MAL2: variants seen among roughly 807,000 people sequenced by gnomAD.
MAL2 encodes mal, T cell differentiation protein 2.
A neutral mutation model predicts 18.1 loss-of-function variants in MAL2; 17 were observed. That is an observed-to-expected ratio of 0.94 (90% CI 0.64 to 1.41). The LOEUF (loss-of-function observed/expected upper bound fraction) is 1.41. Among genes scored for constraint, MAL2 ranks in the 40% most tolerant of loss-of-function variants. MAL2 has a pLI of 0.00. For missense variants in MAL2, 222 were observed against 231.9 expected (o/e 0.96, Z 0.28); for synonymous variants, 102 against 102.3 (o/e 1.00, Z 0.02).
chr8:119,227,102 C>G (rs1413386306), intron 2 of MAL2, among the ~76,000 whole-genome samples: 1 of 152,186 alleles, frequency 6.6e-6, no homozygotes, highest in East Asian at 1.9e-4. Context: ...AAAGACAGAT[C>G]TAGCAGTTGC....
chr8:119,227,149 A>G (rs1817613133), intron 2 of MAL2, among the ~76,000 whole-genome samples: 1 of 152,212 alleles, frequency 6.6e-6, no homozygotes, highest in African/African-American at 2.4e-5. Context: ...ATGTAAGTAA[A>G]TTGTTACAAA....
chr8:119,233,859 A>C (rs200232213), intron 2 of MAL2, among the ~76,000 whole-genome samples: 1,540 of 150,900 alleles, frequency 0.01, 25 homozygotes, highest in African/African-American at 0.036. Flanking sequence ...CAAAGCCGGG[A>C]AGAGACACAA....
rs760251007 is a variant in MAL2 at position 119,243,759 on chromosome 8, T to G, written c.*271T>G. Reference sequence around the variant, plus strand: ...TTTTCTTTCTGAAAGTTTCCTTTTATGTCCATAAAATACAAATATATTGTT... The same window carrying G: ...TTTTCTTTCTGAAAGTTTCCTTTTAGGTCCATAAAATACAAATATATTGTT... On this transcript the variant is annotated 3_prime_UTR_variant, in exon 4 of 4. Coordinates refer to ENST00000614891, the MANE Select transcript of MAL2 (RefSeq NM_052886.3). 36 of 303,376 alleles carry G rather than the reference T, an allele frequency of 1.2e-4. No homozygotes were observed. Among genetic ancestry groups the G allele is most frequent in the Non-Finnish European group, 1.2e-5 (2 of 166,562 alleles). The allele number at this position is 303,376 out of a possible 1,614,324, so 18.8% of individuals were successfully genotyped here.
chr8:119,230,809 ACCTTCATCAGCTAAT>A (rs954204682), intron 2 of MAL2, among the ~76,000 whole-genome samples: 3 of 152,148 alleles, frequency 2.0e-5, no homozygotes, highest in African/African-American at 7.2e-5. Context: ...TTGGGGTTTG[ACCTTCATCAGCTAAT>A]ATTTGTTGAA....
chr8:119,242,360 C>G (rs559540460), intron 3 of MAL2, among the ~76,000 whole-genome samples: 1 of 152,122 alleles, frequency 6.6e-6, no homozygotes, highest in Admixed American at 6.6e-5. Flanking sequence ...CTCAGTAAAC[C>G]TCTACATGCT....
chr8:119,235,179 G>C (rs137974344), intron 2 of MAL2, among the ~76,000 whole-genome samples: 4,170 of 152,054 alleles, frequency 0.027, 139 homozygotes, highest in African/African-American at 0.084. Context: ...CCTCAGGAGC[G>C]AATGCGATCA....
At chr8:119,239,532 A>G (rs1817999194) in intron 2 of MAL2, among the ~76,000 whole-genome samples, 2 of 152,032 alleles carry the variant, frequency 1.3e-5, no homozygotes, top group Non-Finnish European at 2.9e-5. Flanking sequence ...AATGTCCAAC[A>G]ATGATAGACT....
intron 2 of MAL2, 37 bp from the exon 3 acceptor site, chr8:119,240,124 ATTTT>A (rs554091744): frequency 3.2e-6 from 5 of 1,553,784 alleles, no homozygotes; most frequent in Non-Finnish European, 4.4e-6. Context: ...ACAGAAAAAT[ATTTT>A]TTTTTAATTG....
At chr8:119,210,716 A>G (rs1280126273) in intron 1 of MAL2, among the ~76,000 whole-genome samples, 1 of 152,214 alleles carries the variant, frequency 6.6e-6, no homozygotes, top group Non-Finnish European at 1.5e-5. Flanking sequence ...TAATCCTCTT[A>G]TCTCATTTCC....
intron 2 of MAL2, among the ~76,000 whole-genome samples, chr8:119,236,365 G>A (rs138548671): frequency 0.02 from 2,996 of 150,882 alleles, 116 homozygotes; most frequent in African/African-American, 0.062. Flanking sequence ...ACACCCCACT[G>A]TCAACATTAG....
At chr8:119,232,319 C>T (rs764491557) in intron 2 of MAL2, among the ~76,000 whole-genome samples, 5 of 152,022 alleles carry the variant, frequency 3.3e-5, no homozygotes, top group Admixed American at 1.3e-4. Context: ...TGTCTGGCTT[C>T]AAACAGTCAA....
chr8:119,218,840 C>G (rs991288507), intron 1 of MAL2, among the ~76,000 whole-genome samples: 12 of 152,132 alleles, frequency 7.9e-5, no homozygotes, highest in Non-Finnish European at 1.5e-5. Context: ...TGGCCAATTG[C>G]TTTTTATTAT....
intron 1 of MAL2, among the ~76,000 whole-genome samples, chr8:119,216,440 G>T (rs940059840): frequency 2.0e-5 from 3 of 152,052 alleles, no homozygotes; most frequent in Admixed American, 1.3e-4. Context: ...CTATAAAGTA[G>T]GAATAATAAT....
intron 1 of MAL2, among the ~76,000 whole-genome samples, chr8:119,214,489 T>C (rs773666424): frequency 5.9e-5 from 9 of 152,176 alleles, no homozygotes; most frequent in African/African-American, 9.7e-5. Flanking sequence ...TTTATACGGG[T>C]CTGGCCAATA....
intron 1 of MAL2, among the ~76,000 whole-genome samples, chr8:119,220,006 T>C (rs1359918121): frequency 1.3e-5 from 2 of 152,164 alleles, no homozygotes; most frequent in African/African-American, 2.4e-5. Flanking sequence ...GTCTTGGAAC[T>C]GTGGATTTTT....
At position 119,225,898 on chromosome 8, in the gene MAL2, G is replaced by T. The variant is rs543176890; in HGVS notation, c.303+4141G>T. 3.8e-3 allele frequency among the ~76,000 whole-genome samples: 583 copies of T among 152,256 alleles called. 3 individuals carry two copies. The highest frequency in any genetic ancestry group is 0.013 in the African/African-American group (543 of 41,560). On this transcript the variant is annotated intron_variant, in intron 2 of 3. Transcript: ENST00000614891. ...ATGGTGAGCATTTTTTCATGTGTCTGTTGGCTGCATAAATGTCTTCTTTTG... is the reference window on the plus strand; with the variant it reads ...ATGGTGAGCATTTTTTCATGTGTCTTTTGGCTGCATAAATGTCTTCTTTTG...
At chr8:119,229,712 T>A (rs1434546416) in intron 2 of MAL2, among the ~76,000 whole-genome samples, 2 of 152,178 alleles carry the variant, frequency 1.3e-5, no homozygotes, top group Non-Finnish European at 2.9e-5. Flanking sequence ...CAAAGCCAAC[T>A]CTGAATGTGG....
At chr8:119,238,251 G>A (rs982232262) in intron 2 of MAL2, among the ~76,000 whole-genome samples, 3 of 151,044 alleles carry the variant, frequency 2.0e-5, no homozygotes, top group Admixed American at 2.0e-4. Flanking sequence ...ACCTCTTCAA[G>A]AACTACAAAC....
intron 2 of MAL2, 92 bp downstream of exon 2, chr8:119,221,849 C>G: frequency 7.3e-7 from 1 of 1,361,098 alleles, no homozygotes; most frequent in East Asian, 2.3e-5. Flanking sequence ...AGTTCTGTTG[C>G]CCCTAATGGG....
Sources: allele counts gnomAD v4.1 joint callset (sites outside exome capture counted in the v4.1 genomes callset), GRCh38; gene constraint gnomAD v4.1.1; transcripts MANE v1.5; gene names NCBI Gene and HGNC (gene_info 2026-07-23, HGNC 2026-07-21).